GRXCR1: variants seen among roughly 807,000 people sequenced by gnomAD.
GRXCR1 encodes the protein glutaredoxin and cysteine rich domain containing 1.
A neutral mutation model predicts 27.3 loss-of-function variants in GRXCR1; 27 were observed. The observed-to-expected ratio is 0.99, with a 90% CI of 0.73 to 1.37. GRXCR1 has a LOEUF of 1.37. Among genes scored for constraint, GRXCR1 ranks in the 40% most tolerant of loss-of-function variants. GRXCR1 has a pLI of 0.00. For missense variants in GRXCR1, 379 were observed against 354.4 expected (o/e 1.07, Z -0.56); for synonymous variants, 122 against 131.1 (o/e 0.93, Z 0.47).
At chr4:42,903,379 T>C (rs1746511372) in intron 1 of GRXCR1, among the ~76,000 whole-genome samples, 1 of 133,254 alleles carries the variant, frequency 7.5e-6, no homozygotes, top group Non-Finnish European at 1.6e-5. Flanking sequence ...TGGCATGATC[T>C]CGGCTCACTG....
At position 42,945,509 on chromosome 4, in the gene GRXCR1, A is replaced by T. The variant is rs150604261; in HGVS notation, c.385-17383A>T. Among the ~76,000 whole-genome samples, 623 of 152,088 alleles carry T rather than the reference A, an allele frequency of 4.1e-3. 3 individuals are homozygous for T. Among genetic ancestry groups the T allele is most frequent in the African/African-American group, 0.014 (592 of 41,486 alleles). ...GGTAACACCATGTCTGGCATCTTCTATACTTATATTCTCACAGCTTTGAAA... is the reference window on the plus strand; with the variant it reads ...GGTAACACCATGTCTGGCATCTTCTTTACTTATATTCTCACAGCTTTGAAA... On this transcript the variant is annotated intron_variant, in intron 1 of 3. Coordinates refer to ENST00000399770, the MANE Select transcript of GRXCR1 (RefSeq NM_001080476.3).
chr4:42,980,212 G>A lies in GRXCR1; in HGVS notation c.627+17078G>A, dbSNP rs532886450. ...AGTTTAGTTTGTTCTTGTACATCTT[G>A]TTTCTTGAAGTGTAACATTAGGTTG... On this transcript the variant is annotated intron_variant, in intron 2 of 3. Transcript: ENST00000399770. Among the ~76,000 whole-genome samples, 363 of 151,546 alleles carry A rather than the reference G, an allele frequency of 2.4e-3. 1 individual carries two copies. The highest frequency in any genetic ancestry group is 8.3e-3 in the African/African-American group (342 of 41,392).
chr4:42,898,824 A>G lies in GRXCR1; in HGVS notation c.384+5174A>G, dbSNP rs991383646. 7.2e-5 allele frequency among the ~76,000 whole-genome samples: 11 copies of G among 152,208 alleles called. No individual in the cohort carries two copies. In the East Asian group the frequency reaches 1.6e-3, roughly 21 times the overall value. On this transcript the variant is annotated intron_variant, in intron 1 of 3. Coordinates refer to ENST00000399770, the MANE Select transcript of GRXCR1 (RefSeq NM_001080476.3). ...TCTTATGTAGTGTTCTGTCAAGACT[A>G]TCATGTATTAATGGAAATATTATCT...
chr4:43,018,908 A>G (rs1713013153), intron 2 of GRXCR1, among the ~76,000 whole-genome samples: 2 of 152,184 alleles, frequency 1.3e-5, no homozygotes. Context: ...CTACCAATAA[A>G]TGAAGAGATA....
chr4:43,025,109 C>G (rs1365503939), intron 3 of GRXCR1, among the ~76,000 whole-genome samples: 2 of 152,134 alleles, frequency 1.3e-5, no homozygotes, highest in African/African-American at 4.8e-5. Flanking sequence ...GGTAAACTTA[C>G]ATCTTGAAAT....
intron 2 of GRXCR1, among the ~76,000 whole-genome samples, chr4:42,996,928 G>A (rs965110851): frequency 2.6e-5 from 4 of 152,016 alleles, no homozygotes; most frequent in Non-Finnish European, 4.4e-5. Flanking sequence ...GGCTGTCTTT[G>A]TTACAATCTC....
At chr4:42,990,347 A>G (rs1460188264) in intron 2 of GRXCR1, among the ~76,000 whole-genome samples, 1 of 149,962 alleles carries the variant, frequency 6.7e-6, no homozygotes, top group African/African-American at 2.4e-5. Flanking sequence ...GCCCGCCACT[A>G]CGCCCGGCTA....
intron 1 of GRXCR1, among the ~76,000 whole-genome samples, chr4:42,907,648 T>G (rs930530810): frequency 6.6e-6 from 1 of 152,180 alleles, no homozygotes; most frequent in Non-Finnish European, 1.5e-5. Context: ...TCCCTGCTCC[T>G]TATATGTAGT....
chr4:42,967,111 A>G (rs2109777329), intron 2 of GRXCR1, among the ~76,000 whole-genome samples: 1 of 152,228 alleles, frequency 6.6e-6, no homozygotes, highest in Non-Finnish European at 1.5e-5. Flanking sequence ...TGTTGTATCT[A>G]ACAAATCATC....
chr4:42,960,244 C>A (rs896248396), intron 1 of GRXCR1, among the ~76,000 whole-genome samples: 1 of 151,856 alleles, frequency 6.6e-6, no homozygotes, highest in East Asian at 1.9e-4. Flanking sequence ...TGTACCTATT[C>A]GAAGTAGTGG....
chr4:42,971,913 A>G (rs1748397462), intron 2 of GRXCR1, among the ~76,000 whole-genome samples: 1 of 152,122 alleles, frequency 6.6e-6, no homozygotes, highest in Non-Finnish European at 1.5e-5. Context: ...CATCTCTGAT[A>G]TTGATTCAGG....
intron 1 of GRXCR1, among the ~76,000 whole-genome samples, chr4:42,935,120 T>C (rs977074819): frequency 6.6e-6 from 1 of 151,976 alleles, no homozygotes; most frequent in Non-Finnish European, 1.5e-5. Flanking sequence ...ATGTACCATA[T>C]GTTAAACATT....
At chr4:42,908,310 T>C (rs1229166350) in intron 1 of GRXCR1, among the ~76,000 whole-genome samples, 2 of 152,194 alleles carry the variant, frequency 1.3e-5, no homozygotes, top group Non-Finnish European at 2.9e-5. Context: ...AACGGTCTGG[T>C]AGGGTAGATG....
At chr4:42,982,949 A>G (rs1417873673) in intron 2 of GRXCR1, among the ~76,000 whole-genome samples, 1 of 151,380 alleles carries the variant, frequency 6.6e-6, no homozygotes, top group Non-Finnish European at 1.5e-5. Context: ...TAGATTCTGG[A>G]TATTAGCCCT....
chr4:42,990,764 C>G (rs1238567962), intron 2 of GRXCR1, among the ~76,000 whole-genome samples: 1 of 151,952 alleles, frequency 6.6e-6, no homozygotes, highest in Non-Finnish European at 1.5e-5. Context: ...TCTTTGTAGT[C>G]TAATATATGA....
At chr4:42,987,011 T>TGTGTGTGTGG (rs1228731831) in intron 2 of GRXCR1, among the ~76,000 whole-genome samples, 1 of 149,950 alleles carries the variant, frequency 6.7e-6, no homozygotes, top group Non-Finnish European at 1.5e-5. Context: ...TATGTGTGTG[T>TGTGTGTGTGG]GTGTGTGTGT....
intron 2 of GRXCR1, among the ~76,000 whole-genome samples, chr4:43,006,843 C>T (rs985434909): frequency 6.6e-5 from 10 of 152,116 alleles, no homozygotes; most frequent in South Asian, 2.1e-4. Flanking sequence ...TGGGGCATCA[C>T]GGAACGTACT....
At chr4:43,001,418 CT>C (rs768748293) in intron 2 of GRXCR1, among the ~76,000 whole-genome samples, 6 of 152,066 alleles carry the variant, frequency 3.9e-5, no homozygotes, top group Non-Finnish European at 8.8e-5. Context: ...GAGTTTTTGC[CT>C]CTTGGAAAGT....
intron 3 of GRXCR1, among the ~76,000 whole-genome samples, chr4:43,025,900 A>G (rs373670514): frequency 2.0e-5 from 3 of 150,830 alleles, no homozygotes; most frequent in Non-Finnish European, 4.4e-5. Flanking sequence ...GGCGTGAACC[A>G]GGGAGGCAGA....
Sources: allele counts gnomAD v4.1 joint callset (sites outside exome capture counted in the v4.1 genomes callset), GRCh38; gene constraint gnomAD v4.1.1; transcripts MANE v1.5; gene names NCBI Gene and HGNC (gene_info 2026-07-23, HGNC 2026-07-21).